Variants in MARCHF1 observed in about 807,000 individuals in gnomAD.
MARCHF1 encodes E3 ubiquitin-protein ligase MARCHF1.
In MARCHF1, 40 loss-of-function variants were observed where a neutral mutation model predicts 54.2. The observed-to-expected ratio is 0.74, with a 90% CI of 0.57 to 0.96. MARCHF1 has a LOEUF of 0.96. Ranked by LOEUF, MARCHF1 falls within the 40% of genes least tolerant of loss-of-function variation. MARCHF1 has a pLI of 0.00. For synonymous variants in MARCHF1, 236 were observed against 236.3 expected (o/e 1.00, Z 0.01); for missense variants, 586 against 656.5 (o/e 0.89, Z 1.17).
intron 4 of MARCHF1, among the ~76,000 whole-genome samples, chr4:163,711,571 G>A (rs75476824): frequency 6.6e-6 from 1 of 152,082 alleles, no homozygotes; most frequent in African/African-American, 2.4e-5. Context: ...AATGGAAGAG[G>A]GTGAGTTTAG....
At chr4:163,932,204 C>G (rs538211600) in intron 3 of MARCHF1, among the ~76,000 whole-genome samples, 23 of 152,028 alleles carry the variant, frequency 1.5e-4, no homozygotes, top group African/African-American at 5.5e-4. Context: ...ATTTTGATGG[C>G]TGTTGACTGA....
intron 5 of MARCHF1, among the ~76,000 whole-genome samples, chr4:163,698,980 T>C (rs1744719978): frequency 6.6e-6 from 1 of 152,162 alleles, no homozygotes; most frequent in Admixed American, 6.5e-5. Flanking sequence ...TGACTGATAT[T>C]ATCATCATCC....
At chr4:164,150,691 A>G (rs958608718) in intron 1 of MARCHF1, among the ~76,000 whole-genome samples, 1 of 152,200 alleles carries the variant, frequency 6.6e-6, no homozygotes, top group Non-Finnish European at 1.5e-5. Flanking sequence ...TCAACAAGAC[A>G]TGAAAATAGA....
chr4:164,316,959 T>C (rs1165739583), intron 1 of MARCHF1, among the ~76,000 whole-genome samples: 1 of 152,196 alleles, frequency 6.6e-6, no homozygotes, highest in Non-Finnish European at 1.5e-5. Flanking sequence ...GATGCCTGTA[T>C]AGCCTGCAAA....
intron 5 of MARCHF1, among the ~76,000 whole-genome samples, chr4:163,616,718 A>AACAC (rs139197153): frequency 0.034 from 5,179 of 150,928 alleles, 270 homozygotes; most frequent in African/African-American, 0.12. Context: ...TGTCTCTGAA[A>AACAC]ACACACACAC....
intron 1 of MARCHF1, among the ~76,000 whole-genome samples, chr4:164,342,691 T>C (rs1360411581): frequency 1.3e-5 from 2 of 152,048 alleles, no homozygotes; most frequent in Non-Finnish European, 2.9e-5. Context: ...TTATTCCTAA[T>C]TGCCAAGATA....
intron 4 of MARCHF1, among the ~76,000 whole-genome samples, chr4:163,702,809 T>C (rs535900982): frequency 3.2e-4 from 48 of 152,306 alleles, no homozygotes; most frequent in African/African-American, 1.1e-3. Context: ...AGGTCAGGCA[T>C]TGAAATAAAC....
At chr4:163,789,350 G>T (rs1747708055) in intron 4 of MARCHF1, among the ~76,000 whole-genome samples, 1 of 151,922 alleles carries the variant, frequency 6.6e-6, no homozygotes, top group South Asian at 2.1e-4. Context: ...CCTTTAGGAG[G>T]GTGGAGGGTT....
intron 2 of MARCHF1, among the ~76,000 whole-genome samples, chr4:164,025,095 G>T (rs1753738084): frequency 6.7e-6 from 1 of 150,042 alleles, no homozygotes; most frequent in Non-Finnish European, 1.5e-5. Context: ...CAAACAAAAA[G>T]ACAAGCTCTT....
At chr4:164,220,898 C>G (rs1237473245) in intron 1 of MARCHF1, among the ~76,000 whole-genome samples, 1 of 151,160 alleles carries the variant, frequency 6.6e-6, no homozygotes, top group Non-Finnish European at 1.5e-5. Context: ...CAGTAGTAGA[C>G]AGTAGTAGAC....
At chr4:164,046,324 A>T (rs201518348) in intron 2 of MARCHF1, among the ~76,000 whole-genome samples, 1 of 152,252 alleles carries the variant, frequency 6.6e-6, no homozygotes, top group Non-Finnish European at 1.5e-5. Context: ...ACTTCAGAAC[A>T]AAAGCTGTCA....
chr4:163,663,507 T>C (rs1743422404), intron 5 of MARCHF1, among the ~76,000 whole-genome samples: 1 of 152,134 alleles, frequency 6.6e-6, no homozygotes, highest in Admixed American at 6.6e-5. Flanking sequence ...TGTTTTTATA[T>C]TCTGAATGAT....
intron 3 of MARCHF1, chr4:163,933,322 C>T: frequency 1.8e-6 from 1 of 541,362 alleles, no homozygotes; most frequent in South Asian, 1.6e-5. Flanking sequence ...CCTTATTCCA[C>T]TTGGATTTCC....
At chr4:164,195,153 A>G (rs1484304530) in intron 1 of MARCHF1, among the ~76,000 whole-genome samples, 1 of 151,858 alleles carries the variant, frequency 6.6e-6, no homozygotes, top group Admixed American at 6.6e-5. Context: ...AAAGTCACTC[A>G]TTAGCTCTAA....
chr4:163,828,054 C>CACACACACACACACACACACACACAG (rs774603753), intron 4 of MARCHF1, among the ~76,000 whole-genome samples: 2 of 148,204 alleles, frequency 1.3e-5, no homozygotes, highest in African/African-American at 5.0e-5. Context: ...CACACACACA[C>CACACACACACACACACACACACACAG]AGACACACCT....
At chr4:164,241,040 A>G (rs1052688431) in intron 1 of MARCHF1, among the ~76,000 whole-genome samples, 5 of 152,052 alleles carry the variant, frequency 3.3e-5, no homozygotes, top group Admixed American at 6.6e-5. Flanking sequence ...CACTATCGTA[A>G]AACCTAAGAT....
chr4:164,000,725 A>G (rs1753171091), intron 2 of MARCHF1, among the ~76,000 whole-genome samples: 1 of 151,776 alleles, frequency 6.6e-6, no homozygotes, highest in Admixed American at 6.6e-5. Flanking sequence ...ACTTGGTTTG[A>G]AAATAAAATA....
At chr4:164,350,259 T>C (rs903088420) in intron 1 of MARCHF1, among the ~76,000 whole-genome samples, 1 of 152,020 alleles carries the variant, frequency 6.6e-6, no homozygotes, top group Admixed American at 6.6e-5. Context: ...ATCAGAAAAA[T>C]AAATACTGCA....
chr4:163,572,793 G>A (rs1046229547), intron 8 of MARCHF1, among the ~76,000 whole-genome samples: 7 of 152,096 alleles, frequency 4.6e-5, no homozygotes, highest in African/African-American at 1.4e-4. Flanking sequence ...CATCAAGAAT[G>A]AGGAAAAAAT....
Sources: allele counts gnomAD v4.1 joint callset (sites outside exome capture counted in the v4.1 genomes callset), GRCh38; gene constraint gnomAD v4.1.1; transcripts MANE v1.5; gene names NCBI Gene and HGNC (gene_info 2026-07-23, HGNC 2026-07-21).